Variants in PSME4 observed in about 807,000 individuals in gnomAD.
PSME4 encodes proteasome activator complex subunit 4.
In PSME4, 89 loss-of-function variants were observed where a neutral mutation model predicts 253.9. The observed-to-expected ratio is 0.35, with a 90% CI of 0.30 to 0.42. PSME4 has a LOEUF of 0.42. PSME4 is among the 10% of genes least tolerant of loss of function. The pLI, the probability that PSME4 is intolerant of heterozygous loss-of-function variation, is 1.00. For synonymous variants in PSME4, 851 were observed against 759.2 expected, an observed-to-expected ratio of 1.12 and a Z score of -1.99; for missense variants, 2,014 against 2,195.2, an observed-to-expected ratio of 0.92 and a Z score of 1.65.
At chr2:53,932,626 T>G in intron 9 of PSME4, 42 bp downstream of exon 9, 1 of 1,496,780 alleles carries the variant, frequency 6.7e-7, no homozygotes, top group Non-Finnish European at 9.3e-7. Flanking sequence ...GACCATATCT[T>G]TAAAAATTCC....
At chr2:53,882,196 T>C (rs1459845499) in intron 41 of PSME4, among the ~76,000 whole-genome samples, 1 of 152,162 alleles carries the variant, frequency 6.6e-6, no homozygotes, top group Non-Finnish European at 1.5e-5. Context: ...TGGTGATTTA[T>C]TCTATAAAAA....
At chr2:53,940,980 T>TAC in intron 3 of PSME4, among the ~76,000 whole-genome samples, 1 of 73,274 alleles carries the variant, frequency 1.4e-5, no homozygotes, top group East Asian at 4.2e-4. Context: ...TATATATATA[T>TAC]ATATATATAT....
intron 41 of PSME4, among the ~76,000 whole-genome samples, chr2:53,877,722 C>T (rs1231349707): frequency 1.3e-5 from 2 of 151,998 alleles, no homozygotes. Context: ...AAAGACAGAG[C>T]CCAAGGTTGA....
chr2:53,950,520 G>T (rs146298904), intron 1 of PSME4, among the ~76,000 whole-genome samples: 185 of 152,128 alleles, frequency 1.2e-3, no homozygotes, highest in African/African-American at 4.2e-3. Flanking sequence ...GTAATCAAAA[G>T]CATTAACTTT....
chr2:53,969,687 G>GT (rs61560289), intron 1 of PSME4, among the ~76,000 whole-genome samples: 40,444 of 138,844 alleles, frequency 0.29, 6,157 homozygotes, highest in South Asian at 0.48. Flanking sequence ...ATTTTCACTC[G>GT]TTTTTTTTTT....
At chr2:53,937,835 A>C (rs1029081265) in intron 4 of PSME4, among the ~76,000 whole-genome samples, 1 of 152,110 alleles carries the variant, frequency 6.6e-6, no homozygotes, top group Admixed American at 6.6e-5. Flanking sequence ...CAGTCTTTAC[A>C]AAAAATTTGC....
In PSME4 at chr2:53,886,334, C is replaced by T. The variant is rs570076060; in HGVS notation, c.4730-559G>A. 1.1e-4 allele frequency among the ~76,000 whole-genome samples: 17 copies of T among 152,148 alleles called. No homozygotes were observed. The South Asian group carries it at 2.3e-3, about 20-fold the overall frequency. The stretch of plus-strand genomic sequence containing the variant: ...TGAGGTGGGAGGATCTCTTGAGCCC[C>T]GGAGATTGAGGCTGCAGTAAGCAGC... On this transcript the variant is annotated intron_variant, in intron 40 of 46. Coordinates refer to ENST00000404125, the MANE Select transcript of PSME4 (RefSeq NM_014614.3).
Position 53,892,848 on chromosome 2 carries a change from G to C in PSME4, c.4151C>G (p.Ala1384Gly). ...GTGCTTAGAACCTCTGATTAAACCA[G>C]CTATAATTTCTGCAACACATCGCTG... is the stretch of plus-strand genomic sequence containing the variant. The part of the protein sequence containing the change: ...STQRCVAEII[A>G]GLIRGSKHWT... Residue 1384 changes from alanine (A) to glycine (G), a missense_variant, in exon 36 of 47, where the codon GCT becomes GGT. Transcript: ENST00000404125. 1 of 1,613,712 alleles carries C rather than the reference G, an allele frequency of 6.2e-7. No homozygotes were observed. The highest frequency in any genetic ancestry group is 1.1e-5 in the South Asian group (1 of 91,022).
At chr2:53,868,593 T>C (rs892828173) in intron 44 of PSME4, among the ~76,000 whole-genome samples, 1 of 135,644 alleles carries the variant, frequency 7.4e-6, no homozygotes, top group Non-Finnish European at 1.5e-5. Context: ...ATTTATAATA[T>C]ATATATAATA....
rs1434222855 is a variant in PSME4, at chr2:53,970,610, G to A, written c.175C>T (p.Leu59=). The A allele has an allele frequency of 3.2e-6, 5 of 1,549,646 alleles. No homozygotes were observed. Among genetic ancestry groups the A allele is most frequent in the Non-Finnish European group, 4.4e-6 (5 of 1,146,942 alleles). The change falls in exon 1 of 47, where the codon CTG becomes TTG. Residue 59 remains leucine (L), a synonymous_variant. Coordinates refer to ENST00000404125, the MANE Select transcript of PSME4 (RefSeq NM_014614.3). ...DLQLAQIKCN[L]GRAVQLQELW... is the part of the protein sequence containing the mutation. ...TCTTGGAGCTGCACGGCCCGGCCCA[G>A]GTTGCATTTGATCTGGGCCAGCTGC...
At chr2:53,919,773 T>C (rs1668214471) in intron 19 of PSME4, among the ~76,000 whole-genome samples, 1 of 152,172 alleles carries the variant, frequency 6.6e-6, no homozygotes, top group Admixed American at 6.5e-5. Flanking sequence ...GAAAGTCTAA[T>C]GGTTTCAAAT....
rs932563551 is a variant in PSME4, at chr2:53,970,160, C to CA, written c.242+382dup. Among the ~76,000 whole-genome samples, 11 of 152,278 alleles carry CA rather than the reference C, an allele frequency of 7.2e-5. No individual in the cohort carries two copies. The East Asian group carries it at 9.7e-4, about 13-fold the overall frequency. On this transcript the variant is annotated intron_variant, in intron 1 of 46. Coordinates refer to ENST00000404125, the MANE Select transcript of PSME4 (RefSeq NM_014614.3). ...ACAAGTCAAGGAACTCCCCCAAAGACAAATTCTCTTTGCCCCGCCTCTCCC... is the reference window on the plus strand; with the variant it reads ...ACAAGTCAAGGAACTCCCCCAAAGACAAAATTCTCTTTGCCCCGCCTCTCCC...
chr2:53,964,599 A>G (rs942390398), intron 1 of PSME4, among the ~76,000 whole-genome samples: 2 of 152,240 alleles, frequency 1.3e-5, no homozygotes, highest in African/African-American at 2.4e-5. Context: ...AAATAAAACC[A>G]CTTGCATTTA....
intron 28 of PSME4, 39 bp downstream of exon 28, chr2:53,901,311 T>G: frequency 6.5e-7 from 1 of 1,536,982 alleles, no homozygotes; most frequent in Non-Finnish European, 9.0e-7. Context: ...CAAGACAGGA[T>G]TTACACTAAA....
chr2:53,943,559 C>T (rs879740236), intron 3 of PSME4, among the ~76,000 whole-genome samples: 18 of 152,072 alleles, frequency 1.2e-4, no homozygotes, highest in Non-Finnish European at 2.2e-4. Context: ...GGTATAAATA[C>T]GCCAGGTGCA....
In PSME4 at chr2:53,869,516, G is replaced by T; in HGVS notation, c.5123C>A (p.Thr1708Asn). 2 of 1,529,412 alleles carry T rather than the reference G, an allele frequency of 1.3e-6. No homozygotes were observed. The highest frequency in any genetic ancestry group is 1.8e-6 in the Non-Finnish European group (2 of 1,122,230). 94.7% of individuals were successfully genotyped at this position (1,529,412 alleles called of 1,614,324 possible). Residue 1708 changes from threonine (T) to asparagine (N), a missense_variant, in exon 44 of 47, where the codon ACC becomes AAC. By Grantham distance (65) the Thr-to-Asn change is moderately conservative. Transcript: ENST00000404125. ...QLEVREMAAT[T>N]LSGLLQCNFL... The stretch of plus-strand genomic sequence containing the variant: ...GTTACACTGTAGCAGACCGCTTAAG[G>T]TAGTAGCAGCCATTTCTCGAACCTG...
At chr2:53,891,167 T>A (rs890911602) in intron 36 of PSME4, among the ~76,000 whole-genome samples, 1 of 152,244 alleles carries the variant, frequency 6.6e-6, no homozygotes, top group Non-Finnish European at 1.5e-5. Flanking sequence ...AAAGAGGCAA[T>A]GACATTTTAA....
intron 20 of PSME4, among the ~76,000 whole-genome samples, chr2:53,913,086 T>C (rs1231240195): frequency 1.3e-5 from 2 of 152,196 alleles, no homozygotes; most frequent in African/African-American, 4.8e-5. Context: ...CAAACCATAG[T>C]ATCATTTAAC....
intron 14 of PSME4, among the ~76,000 whole-genome samples, chr2:53,924,768 C>A (rs779870067): frequency 6.6e-6 from 1 of 152,116 alleles, no homozygotes; most frequent in Admixed American, 6.5e-5. Flanking sequence ...TGCTATCCCC[C>A]CTGCGACAGT....
Sources: gnomAD v4.1 joint callset for allele counts (sites outside exome capture counted in the v4.1 genomes callset) on GRCh38, gnomAD v4.1.1 for gene constraint, MANE v1.5 for transcripts, NCBI Gene and HGNC (gene_info 2026-07-23, HGNC 2026-07-21) for gene names.